WDR49: variants seen among roughly 807,000 people sequenced by gnomAD.
The protein encoded by WDR49 is cilia- and flagella-associated protein 337.
Under a neutral mutation model 119.5 loss-of-function variants are expected in WDR49, and 107 were observed. The observed-to-expected ratio is 0.90, with a 90% CI of 0.77 to 1.05. WDR49 has a LOEUF of 1.05. Ranked by LOEUF, WDR49 falls within the 50% of genes least tolerant of loss-of-function variation. The pLI is 0.00. For synonymous variants in WDR49, 425 were observed against 418.8 expected (o/e 1.01, Z -0.18); for missense variants, 1,240 against 1,220.5 (o/e 1.02, Z -0.24).
At chr3:167,483,862 G>A (rs535744140) in intron 18 of WDR49, among the ~76,000 whole-genome samples, 1 of 152,180 alleles carries the variant, frequency 6.6e-6, no homozygotes, top group East Asian at 1.9e-4. Context: ...ACCTTCATTA[G>A]CTTCATTTGT....
intron 18 of WDR49, among the ~76,000 whole-genome samples, chr3:167,480,125 C>T (rs927845436): frequency 4.0e-5 from 6 of 150,692 alleles, no homozygotes; most frequent in African/African-American, 4.9e-5. Context: ...CTCAGCTACT[C>T]GGGAGGCCAG....
intron 12 of WDR49, 108 bp from the exon 13 acceptor site, chr3:167,531,387 A>C: frequency 8.3e-7 from 1 of 1,211,804 alleles, no homozygotes; most frequent in Non-Finnish European, 1.2e-6. Flanking sequence ...CATTGACTCC[A>C]AGTCTCACAA....
In WDR49 at chr3:167,546,275, C is replaced by T. The variant is rs941401025; in HGVS notation, c.1823+8375G>A. Among the ~76,000 whole-genome samples, 4 of 151,934 alleles carry T rather than the reference C, an allele frequency of 2.6e-5. No homozygotes were observed. The Admixed American group carries it at 2.6e-4, about 10-fold the overall frequency. On this transcript the variant is annotated intron_variant, in intron 10 of 18. Coordinates refer to ENST00000682715, the MANE Select transcript of WDR49 (RefSeq NM_001366157.1). ...AAAAAATAGTCTTTCTGATATTTGA[C>T]CTTGTGTGTCAAAATGTTGAAAAAC...
intron 16 of WDR49, among the ~76,000 whole-genome samples, chr3:167,521,963 AAGATAGATAGATAGAT>A (rs201398579): frequency 4.7e-3 from 360 of 77,224 alleles, no homozygotes; most frequent in African/African-American, 0.012. Context: ...TACACATTCT[AAGATAGATAGATAGAT>A]AGATAGATAG....
intron 2 of WDR49, among the ~76,000 whole-genome samples, chr3:167,647,733 C>CT (rs1459188684): frequency 5.9e-5 from 9 of 152,158 alleles, no homozygotes; most frequent in African/African-American, 2.2e-4. Context: ...GCAGAATGCA[C>CT]TTTTTACTAT....
chr3:167,640,351 A>G (rs1187402388), intron 2 of WDR49, among the ~76,000 whole-genome samples: 1 of 151,756 alleles, frequency 6.6e-6, no homozygotes, highest in African/African-American at 2.4e-5. Context: ...ATTATTAACC[A>G]TCTTCCGTTG....
At chr3:167,487,998 C>T (rs1276423824) in intron 18 of WDR49, among the ~76,000 whole-genome samples, 2 of 151,990 alleles carry the variant, frequency 1.3e-5, no homozygotes, top group African/African-American at 2.4e-5. Flanking sequence ...AGAGCTACCA[C>T]TTGACCCAGA....
At chr3:167,484,177 G>A (rs1336504827) in intron 18 of WDR49, among the ~76,000 whole-genome samples, 1 of 152,086 alleles carries the variant, frequency 6.6e-6, no homozygotes, top group Non-Finnish European at 1.5e-5. Flanking sequence ...TGCTTTGAAG[G>A]GATTTTGCAA....
intron 8 of WDR49, among the ~76,000 whole-genome samples, chr3:167,565,252 C>T (rs1443677727): frequency 6.6e-6 from 1 of 151,542 alleles, no homozygotes; most frequent in Non-Finnish European, 1.5e-5. Flanking sequence ...TTTGAATGTA[C>T]TGAATACCTG....
chr3:167,517,114 T>C lies in WDR49; in HGVS notation c.2774+5201A>G, dbSNP rs1399392295. On this transcript the variant is annotated intron_variant, in intron 16 of 18. Coordinates refer to ENST00000682715, the MANE Select transcript of WDR49 (RefSeq NM_001366157.1). Reference sequence around the variant, plus strand: ...GTAAATAGGAACACTTTTACACTGTTGGTGGGACTGTAAACTAGTACTCTT... The same window carrying C: ...GTAAATAGGAACACTTTTACACTGTCGGTGGGACTGTAAACTAGTACTCTT... Among the ~76,000 whole-genome samples, 3 of 152,178 alleles carry C rather than the reference T, an allele frequency of 2.0e-5. No homozygotes were observed. The East Asian group carries it at 5.8e-4, about 29-fold the overall frequency.
At chr3:167,486,704 C>A (rs764010287) in intron 18 of WDR49, among the ~76,000 whole-genome samples, 5 of 151,964 alleles carry the variant, frequency 3.3e-5, no homozygotes, top group African/African-American at 4.8e-5. Context: ...AGACACATAC[C>A]AATCATTGGA....
chr3:167,483,111 A>G (rs1560243073), intron 18 of WDR49, among the ~76,000 whole-genome samples: 1 of 152,350 alleles, frequency 6.6e-6, no homozygotes, highest in East Asian at 1.9e-4. Context: ...AACTAGAGCA[A>G]TAAGATGAAA....
chr3:167,579,330 T>C (rs1714418304), intron 7 of WDR49, among the ~76,000 whole-genome samples: 2 of 152,208 alleles, frequency 1.3e-5, no homozygotes, highest in Admixed American at 6.6e-5. Flanking sequence ...AAACAGGATA[T>C]GCCCAAGAAT....
chr3:167,581,039 G>C (rs191857582), intron 7 of WDR49, among the ~76,000 whole-genome samples: 25 of 152,014 alleles, frequency 1.6e-4, no homozygotes, highest in African/African-American at 6.0e-4. Flanking sequence ...CTAAACTCAG[G>C]CTTACTAAGT....
chr3:167,599,927 G>A (rs1324336742), intron 7 of WDR49, among the ~76,000 whole-genome samples: 1 of 152,152 alleles, frequency 6.6e-6, no homozygotes, highest in Non-Finnish European at 1.5e-5. Context: ...GTTATTTAGA[G>A]CTCAAGGACT....
chr3:167,565,836 A>G (rs923502844), intron 8 of WDR49, among the ~76,000 whole-genome samples: 1 of 152,164 alleles, frequency 6.6e-6, no homozygotes, highest in Non-Finnish European at 1.5e-5. Context: ...ACAAATTTCA[A>G]AAGTAGAAAA....
chr3:167,500,348 T>C (rs1261339380), intron 17 of WDR49, 49 bp from the exon 18 acceptor site: 23 of 1,585,558 alleles, frequency 1.5e-5, no homozygotes, highest in Non-Finnish European at 1.9e-5. Flanking sequence ...AAGGGTACAA[T>C]ATCATTAACT....
chr3:167,569,453 AT>A (rs1164044351), intron 8 of WDR49, among the ~76,000 whole-genome samples: 1 of 151,918 alleles, frequency 6.6e-6, no homozygotes, highest in Non-Finnish European at 1.5e-5. Context: ...TATTTTCTTG[AT>A]TTTTTTATAT....
chr3:167,587,946 A>G (rs1372400385), intron 7 of WDR49, among the ~76,000 whole-genome samples: 1 of 152,184 alleles, frequency 6.6e-6, no homozygotes. Context: ...CCTGTGTGTT[A>G]CAAGCAATCC....
Sources: gnomAD v4.1 joint callset for allele counts (sites outside exome capture counted in the v4.1 genomes callset) on GRCh38, gnomAD v4.1.1 for gene constraint, MANE v1.5 for transcripts, NCBI Gene and HGNC (gene_info 2026-07-23, HGNC 2026-07-21) for gene names.